SLC15A1: variants seen among roughly 807,000 people sequenced by gnomAD.
SLC15A1 encodes Caco-2 oligopeptide transporter.
Under a neutral mutation model 92.9 loss-of-function variants are expected in SLC15A1, and 83 were observed. That is an observed-to-expected ratio of 0.89 (90% confidence interval 0.75 to 1.07). The LOEUF (loss-of-function observed/expected upper bound fraction) is 1.07. Among genes scored for constraint, SLC15A1 ranks in the 50% least tolerant of loss-of-function variants. The pLI, the probability that SLC15A1 is intolerant of heterozygous loss-of-function variation, is 0.00. For synonymous variants in SLC15A1, 322 were observed against 318.2 expected (o/e 1.01, Z -0.13); for missense variants, 857 against 880.1 (o/e 0.97, Z 0.33).
At chr13:98,696,448 AC>A (rs2088022568) in intron 18 of SLC15A1, among the ~76,000 whole-genome samples, 2 of 151,780 alleles carry the variant, frequency 1.3e-5, no homozygotes, top group South Asian at 4.2e-4. Flanking sequence ...AAACCCAACA[AC>A]AAAAAAAGAA....
At chr13:98,730,080 C>A (rs1488556572) in intron 1 of SLC15A1, among the ~76,000 whole-genome samples, 1 of 151,666 alleles carries the variant, frequency 6.6e-6, no homozygotes, top group East Asian at 1.9e-4. Flanking sequence ...TGGTGCATGC[C>A]AGCTACTCAG....
intron 1 of SLC15A1, among the ~76,000 whole-genome samples, chr13:98,744,240 C>CAAA (rs898374872): frequency 5.2e-4 from 22 of 42,254 alleles, no homozygotes; most frequent in African/African-American, 7.2e-4. Context: ...GACTCTGTCT[C>CAAA]AAAAAAAAAA....
chr13:98,693,087 G>GTT (rs55817470), intron 18 of SLC15A1, among the ~76,000 whole-genome samples: 598 of 58,028 alleles, frequency 0.01, 131 homozygotes, highest in African/African-American at 0.041. Flanking sequence ...TATTGTCTAC[G>GTT]TTTTTTTTTT....
chr13:98,728,755 C>T (rs754835180), intron 1 of SLC15A1, among the ~76,000 whole-genome samples: 17 of 151,678 alleles, frequency 1.1e-4, no homozygotes, highest in South Asian at 2.1e-4. Context: ...CTGAGGTAGG[C>T]GGATCGCTTC....
chr13:98,726,406 T>C lies in SLC15A1; in HGVS notation c.65A>G (p.Asn22Ser), dbSNP rs375250460. The C allele has an allele frequency of 3.1e-6, 5 of 1,614,070 alleles. No individual in the cohort carries two copies. In the African/African-American group the frequency reaches 4.0e-5, roughly 13 times the overall value. Residue 22 changes from asparagine to serine, a missense_variant, in exon 3 of 23, where the codon AAT (asparagine) becomes AGT (serine). Transcript: ENST00000376503. ...GTAGGAAAATCTTTCGCAAAACTCA[T>C]TGACCACGATGAAGAAGATGCTCAG... ...YPLSIFFIVV[N>S]EFCERFSYYG... is the part of the protein sequence containing the mutation.
chr13:98,689,925 C>T (rs1324660501), intron 18 of SLC15A1, among the ~76,000 whole-genome samples: 3 of 152,208 alleles, frequency 2.0e-5, no homozygotes, highest in Admixed American at 2.0e-4. Context: ...CATATGGAAG[C>T]AGGTGAATTG....
chr13:98,694,446 T>C (rs138791223), intron 18 of SLC15A1, among the ~76,000 whole-genome samples: 1,659 of 152,342 alleles, frequency 0.011, 30 homozygotes, highest in African/African-American at 0.038. Flanking sequence ...ATTTATGAAG[T>C]ACATTAATTT....
chr13:98,710,808 CAAAAAAAAAAAAAA>C (rs4646225), intron 11 of SLC15A1, among the ~76,000 whole-genome samples: 1 of 71,662 alleles, frequency 1.4e-5, no homozygotes, highest in Non-Finnish European at 2.5e-5. Context: ...ACTCTTGACT[CAAAAAAAAAAAAAA>C]AAAAAAAAAA....
chr13:98,745,136 T>C (rs1374702698), intron 1 of SLC15A1, among the ~76,000 whole-genome samples: 2 of 152,130 alleles, frequency 1.3e-5, no homozygotes, highest in Non-Finnish European at 2.9e-5. Flanking sequence ...CTGTGTCTCC[T>C]AGATCACTTT....
chr13:98,699,919 A>G (rs2088053894), intron 18 of SLC15A1, among the ~76,000 whole-genome samples: 1 of 152,198 alleles, frequency 6.6e-6, no homozygotes, highest in African/African-American at 2.4e-5. Flanking sequence ...TCCTTTGGTG[A>G]CATAGCTGTT....
intron 6 of SLC15A1, 29 bp downstream of exon 6, chr13:98,721,775 G>C: frequency 2.5e-6 from 4 of 1,595,640 alleles, no homozygotes; most frequent in Admixed American, 1.7e-5. Flanking sequence ...GTTCATTCAC[G>C]TGGGCTCTGG....
chr13:98,720,050 C>T (rs866551514), intron 7 of SLC15A1, among the ~76,000 whole-genome samples: 1 of 152,142 alleles, frequency 6.6e-6, no homozygotes, highest in East Asian at 1.9e-4. Context: ...GGAATGCTGG[C>T]GCCTCCAGGC....
Position 98,702,477 on chromosome 13 carries a change from T to C in SLC15A1, c.1466+3A>G, listed in dbSNP as rs8187827. On this transcript the variant is annotated splice_donor_region_variant and intron_variant, in intron 18 of 22. Coordinates refer to ENST00000376503, the MANE Select transcript of SLC15A1 (RefSeq NM_005073.4). ...AACTTAAATTTTAAAGAAATATACA[T>C]ACCTGATTCCATTTTCCCCTTTTTC... is the stretch of plus-strand genomic sequence containing the variant. 0.025 allele frequency: 40,204 copies of C among 1,598,652 alleles called. 682 individuals are homozygous for C. Among genetic ancestry groups the C allele is most frequent in the South Asian group, 0.051 (4,644 of 90,684 alleles).
intron 2 of SLC15A1, 22 bp downstream of exon 2, chr13:98,726,821 G>T: frequency 6.2e-7 from 1 of 1,609,582 alleles, no homozygotes; most frequent in Non-Finnish European, 8.5e-7. Context: ...AAGATATGTA[G>T]AGAAGGAAAA....
chr13:98,688,235 A>G lies in SLC15A1; in HGVS notation c.1683+13T>C, dbSNP rs1328885778. On this transcript the variant is annotated intron_variant, in intron 20 of 22. Coordinates refer to ENST00000376503, the MANE Select transcript of SLC15A1 (RefSeq NM_005073.4). ...TGAGCAGATCTTCTGATACAATGAA[A>G]CGAGTTACTAACCTTCCTTTGGACT... 1.9e-6 allele frequency: 3 copies of G among 1,551,614 alleles called. No individual in the cohort carries two copies. The highest frequency in any genetic ancestry group is 2.7e-6 in the Non-Finnish European group (3 of 1,126,486).
intron 1 of SLC15A1, among the ~76,000 whole-genome samples, chr13:98,750,635 T>A (rs1179302328): frequency 6.6e-6 from 1 of 152,166 alleles, no homozygotes; most frequent in Non-Finnish European, 1.5e-5. Flanking sequence ...AGGTACAGGC[T>A]TCTCTAAGGA....
chr13:98,714,866 A>C (rs925796485), intron 9 of SLC15A1, among the ~76,000 whole-genome samples: 1 of 152,048 alleles, frequency 6.6e-6, no homozygotes, highest in Admixed American at 6.6e-5. Flanking sequence ...GTGTATAAGG[A>C]AAAAAATCAT....
intron 5 of SLC15A1, among the ~76,000 whole-genome samples, chr13:98,722,318 G>A (rs185762312): frequency 3.3e-5 from 5 of 152,248 alleles, no homozygotes; most frequent in African/African-American, 4.8e-5. Context: ...ATTGCAAAGC[G>A]GAATATCAGG....
chr13:98,728,534 AG>A (rs1286195518), intron 1 of SLC15A1, among the ~76,000 whole-genome samples: 1 of 152,162 alleles, frequency 6.6e-6, no homozygotes, highest in African/African-American at 2.4e-5. Context: ...AGTAGTGGGT[AG>A]AATGGTGGTT....
Sources: allele counts gnomAD v4.1 joint callset (sites outside exome capture counted in the v4.1 genomes callset), GRCh38; gene constraint gnomAD v4.1.1; transcripts MANE v1.5; gene names NCBI Gene and HGNC (gene_info 2026-07-23, HGNC 2026-07-21).